The following UBAC2 variants were observed in gnomAD, a reference collection of about 807,000 sequenced individuals.
The protein encoded by UBAC2 is ubiquitin-associated domain-containing protein 2.
In UBAC2, 26 loss-of-function variants were observed where a neutral mutation model predicts 44.0. The ratio of observed to expected loss-of-function variants is 0.59; its 90% confidence interval spans 0.43 to 0.82. The LOEUF is 0.82. UBAC2 is among the 40% of genes least tolerant of loss of function. The pLI, the probability that UBAC2 is intolerant of heterozygous loss-of-function variation, is 0.00. For missense variants in UBAC2, 329 were observed against 419.4 expected (o/e 0.78, Z 1.88); for synonymous variants, 155 against 154.3 (o/e 1.00, Z -0.04).
At position 99,209,693 on chromosome 13, in the gene UBAC2, G is replaced by A. The variant is rs555556708; in HGVS notation, c.31+8754G>A. Among the ~76,000 whole-genome samples, 6 of 152,324 alleles carry A rather than the reference G, an allele frequency of 3.9e-5. 1 individual carries two copies. Among genetic ancestry groups the A allele is most frequent in the African/African-American group, 1.4e-4 (6 of 41,568 alleles). Reference sequence around the variant, plus strand: ...AATATACTCTTCATAAATTTTAGCGGCTGGGCATAGTGGCTCACGCCTGTA... The same window carrying A: ...AATATACTCTTCATAAATTTTAGCGACTGGGCATAGTGGCTCACGCCTGTA... On this transcript the variant is annotated intron_variant, in intron 1 of 8. Transcript: ENST00000403766.
intron 1 of UBAC2, among the ~76,000 whole-genome samples, chr13:99,208,410 C>G (rs2042900200): frequency 6.6e-6 from 1 of 152,202 alleles, no homozygotes; most frequent in African/African-American, 2.4e-5. Flanking sequence ...CAGATACTTA[C>G]TGAGCACTCC....
chr13:99,381,816 G>A (rs774702686), intron 8 of UBAC2, among the ~76,000 whole-genome samples: 3 of 152,184 alleles, frequency 2.0e-5, no homozygotes, highest in Admixed American at 6.5e-5. Context: ...CTAAGGAAAA[G>A]GAAAGTGTGA....
rs184393678 is a variant in UBAC2, at chr13:99,281,468, A to T, written c.390-32629A>T. On this transcript the variant is annotated intron_variant, in intron 4 of 8. Transcript: ENST00000403766. Reference sequence around the variant, plus strand: ...TGTGTCCGGCATTGTACTTGGTACTATGTCACCTTGGTAGTCAGCAAGCAC... The same window carrying T: ...TGTGTCCGGCATTGTACTTGGTACTTTGTCACCTTGGTAGTCAGCAAGCAC... 1.4e-3 allele frequency among the ~76,000 whole-genome samples: 209 copies of T among 152,248 alleles called. 1 individual carries two copies. Among genetic ancestry groups the T allele is most frequent in the Middle Eastern group, 6.8e-3 (2 of 294 alleles).
At chr13:99,382,302 C>G (rs576662740) in intron 8 of UBAC2, among the ~76,000 whole-genome samples, 27 of 152,310 alleles carry the variant, frequency 1.8e-4, no homozygotes, top group African/African-American at 5.8e-4. Context: ...GAGTCCTAGA[C>G]TTAAAAGGTC....
intron 8 of UBAC2, chr13:99,377,001 C>G (rs2045489330): frequency 6.6e-6 from 1 of 152,392 alleles, no homozygotes; most frequent in Non-Finnish European, 1.5e-5. Context: ...CCTCGCCTCA[C>G]CATTGCCTCC....
In UBAC2 at chr13:99,318,714, A is replaced by T. The variant is rs377655328; in HGVS notation, c.561+645A>T. Among the ~76,000 whole-genome samples the T allele has an allele frequency of 8.2e-3, 1,230 of 150,042 alleles. 10 individuals carry two copies. Among genetic ancestry groups the T allele is most frequent in the South Asian group, 0.056 (263 of 4,668 alleles). On this transcript the variant is annotated intron_variant, in intron 6 of 8. Coordinates refer to ENST00000403766, the MANE Select transcript of UBAC2 (RefSeq NM_001144072.2). ...CAGGCGCCTGTAGTCCCAGCTACTC[A>T]GGAGGCTGAGGCAGGAGAATGGCGT...
At chr13:99,350,003 G>A (rs764484533) in intron 7 of UBAC2, among the ~76,000 whole-genome samples, 10 of 152,104 alleles carry the variant, frequency 6.6e-5, no homozygotes, top group Non-Finnish European at 1.2e-4. Flanking sequence ...CCCTCATGCC[G>A]GCGTGACAGA....
At chr13:99,255,858 G>T in intron 4 of UBAC2, 1 of 1,565,976 alleles carries the variant, frequency 6.4e-7, no homozygotes, top group Non-Finnish European at 8.6e-7. Flanking sequence ...GATCTTGATT[G>T]TTCAGGGTGA....
chr13:99,349,156 A>G (rs1246096046), intron 7 of UBAC2, among the ~76,000 whole-genome samples: 1 of 152,192 alleles, frequency 6.6e-6, no homozygotes, highest in East Asian at 1.9e-4. Flanking sequence ...AGTCTCCTGT[A>G]GTAATGATCA....
chr13:99,283,891 C>CGTA (rs1692223797), intron 4 of UBAC2, among the ~76,000 whole-genome samples: 1 of 152,042 alleles, frequency 6.6e-6, no homozygotes, highest in East Asian at 1.9e-4. Flanking sequence ...TGTGCCACCA[C>CGTA]GCCCAGCTAA....
At chr13:99,324,607 A>G (rs1235782079) in intron 6 of UBAC2, among the ~76,000 whole-genome samples, 1 of 152,254 alleles carries the variant, frequency 6.6e-6, no homozygotes, top group African/African-American at 2.4e-5. Flanking sequence ...CTTTACAAAC[A>G]TTATTTTAAT....
rs186525348 is a variant in UBAC2, at chr13:99,246,263, T to A, written c.389+1639T>A. 1.5e-4 allele frequency among the ~76,000 whole-genome samples: 23 copies of A among 152,358 alleles called. 1 individual carries two copies. Among genetic ancestry groups the A allele is most frequent in the Admixed American group, 1.4e-3 (21 of 15,308 alleles). ...TGTATGATTCTGAATAATGTTTGAA[T>A]GGAGGCATAAAGTTCTGTGTCATAA... On this transcript the variant is annotated intron_variant, in intron 4 of 8. Transcript: ENST00000403766.
intron 6 of UBAC2, among the ~76,000 whole-genome samples, chr13:99,320,090 C>T (rs2044548640): frequency 6.6e-6 from 1 of 152,122 alleles, no homozygotes; most frequent in South Asian, 2.1e-4. Flanking sequence ...TCTTATGTGA[C>T]TCAGTTTTTT....
chr13:99,263,876 G>A (rs773496055), intron 4 of UBAC2, among the ~76,000 whole-genome samples: 2 of 152,126 alleles, frequency 1.3e-5, no homozygotes, highest in Non-Finnish European at 2.9e-5. Flanking sequence ...AGTTGAAAAA[G>A]CCAGACATGA....
intron 8 of UBAC2, among the ~76,000 whole-genome samples, chr13:99,378,379 T>A (rs1326965029): frequency 1.3e-5 from 2 of 151,828 alleles, no homozygotes; most frequent in African/African-American, 4.8e-5. Context: ...ACACAAAAAT[T>A]AGCCAGGCAT....
chr13:99,238,533 C>G lies in UBAC2; in HGVS notation c.138C>G (p.His46Gln), dbSNP rs900517870. The change falls in exon 2 of 9, where the codon CAC becomes CAG. Residue 46 changes from histidine to glutamine, a missense_variant. His to Gln is a conservative substitution (Grantham distance 24, BLOSUM62 0). Transcript: ENST00000403766. ...HCQKLFVYDLHAVKNDFQIWR... is the reference protein window; with the variant it reads ...HCQKLFVYDLQAVKNDFQIWR... ...AGAAGCTCTTTGTGTATGACCTTCACGCAGTCAAGAACGACTTCCAGGTAA... is the reference window on the plus strand; with the variant it reads ...AGAAGCTCTTTGTGTATGACCTTCAGGCAGTCAAGAACGACTTCCAGGTAA... 2.5e-6 allele frequency: 4 copies of G among 1,611,660 alleles called. No homozygotes were observed. The highest frequency in any genetic ancestry group is 2.2e-5 in the East Asian group (1 of 44,878).
intron 7 of UBAC2, among the ~76,000 whole-genome samples, chr13:99,359,662 G>T (rs983346240): frequency 6.6e-6 from 1 of 152,194 alleles, no homozygotes; most frequent in Non-Finnish European, 1.5e-5. Context: ...AAACAGTTTT[G>T]GCTTTTCCTG....
intron 6 of UBAC2, among the ~76,000 whole-genome samples, chr13:99,338,028 T>G (rs1373878514): frequency 7.4e-6 from 1 of 135,946 alleles, no homozygotes; most frequent in African/African-American, 2.7e-5. Flanking sequence ...AAAAATCTCC[T>G]AACTTTTTTT....
At chr13:99,369,091 T>C (rs571331996) in intron 8 of UBAC2, among the ~76,000 whole-genome samples, 10 of 152,042 alleles carry the variant, frequency 6.6e-5, no homozygotes, top group Admixed American at 1.3e-4. Flanking sequence ...ATACATACAC[T>C]GGAGGGAAGG....
Sources: allele counts gnomAD v4.1 joint callset (sites outside exome capture counted in the v4.1 genomes callset), GRCh38; gene constraint gnomAD v4.1.1; transcripts MANE v1.5; gene names NCBI Gene and HGNC (gene_info 2026-07-23, HGNC 2026-07-21).